The following WDR76 variants were observed in gnomAD, a reference collection of about 807,000 sequenced individuals.
WDR76 encodes the protein WD repeat-containing protein 76.
WDR76 carries 52 observed loss-of-function variants against 70.2 expected under a neutral mutation model. The ratio of observed to expected loss-of-function variants is 0.74; its 90% CI spans 0.59 to 0.93. The LOEUF (loss-of-function observed/expected upper bound fraction) is 0.93, where lower values mean the gene tolerates loss of function less well. Among genes scored for constraint, WDR76 ranks in the 40% least tolerant of loss-of-function variants. The pLI is 0.00. For missense variants in WDR76, 756 were observed against 760.2 expected, an observed-to-expected ratio of 0.99 and a Z score of 0.07; for synonymous variants, 292 against 271.1, an observed-to-expected ratio of 1.08 and a Z score of -0.76.
At chr15:43,857,184 T>C (rs1262884924) in intron 10 of WDR76, 21 bp downstream of exon 10, 5 of 1,590,104 alleles carry the variant, frequency 3.1e-6, no homozygotes, top group Middle Eastern at 1.7e-4. Context: ...TATAAGACTT[T>C]ATGACTTAGA....
chr15:43,836,502 A>C (rs1293672449), intron 4 of WDR76, among the ~76,000 whole-genome samples: 1 of 152,210 alleles, frequency 6.6e-6, no homozygotes, highest in Non-Finnish European at 1.5e-5. Flanking sequence ...TCACTTAGAA[A>C]ACTATTAAAG....
At chr15:43,861,832 ATTTTTTT>A (rs898404641) in intron 12 of WDR76, among the ~76,000 whole-genome samples, 5 of 104,772 alleles carry the variant, frequency 4.8e-5, no homozygotes, top group South Asian at 3.0e-4. Context: ...GTATTTGTGT[ATTTTTTT>A]TTTTTTTTTT....
At chr15:43,860,450 C>T (rs776361614) in intron 11 of WDR76, among the ~76,000 whole-genome samples, 4 of 152,262 alleles carry the variant, frequency 2.6e-5, no homozygotes, top group East Asian at 1.9e-4. Context: ...TTCAGATGAT[C>T]GCTTTAGAAT....
intron 9 of WDR76, 142 bp from the exon 10 acceptor site, chr15:43,856,804 C>G (rs779111835): frequency 6.1e-5 from 41 of 672,008 alleles, no homozygotes; most frequent in Non-Finnish European, 8.8e-5. Context: ...CCATTATGTC[C>G]TGTGCATCTG....
At chr15:43,856,652 A>G (rs2087930986) in intron 9 of WDR76, among the ~76,000 whole-genome samples, 1 of 150,734 alleles carries the variant, frequency 6.6e-6, no homozygotes, top group African/African-American at 2.4e-5. Context: ...TCTAATGTTC[A>G]GTAGCAGAAT....
At position 43,857,094 on chromosome 15, in the gene WDR76, C is replaced by T. The variant is rs377486898; in HGVS notation, c.1340C>T (p.Ser447Phe). The part of the protein sequence containing the change: ...GTSYEKLTSS[S>F]MGKIRTVHVH... ...TCTTATGAGAAACTTACCAGTTCTT[C>T]TATGGGAAAAATAAGAACTGTTCAT... Residue 447 changes from serine (S) to phenylalanine (F), a missense_variant, in exon 10 of 13, where the codon TCT becomes TTT. Coordinates refer to ENST00000263795, the MANE Select transcript of WDR76 (RefSeq NM_024908.4). 3.0e-5 allele frequency: 48 copies of T among 1,613,924 alleles called. No individual in the cohort carries two copies. Among genetic ancestry groups the T allele is most frequent in the African/African-American group, 1.6e-4 (12 of 74,890 alleles).
At chr15:43,863,573 A>G (rs2088032278) in intron 12 of WDR76, among the ~76,000 whole-genome samples, 1 of 151,724 alleles carries the variant, frequency 6.6e-6, no homozygotes, top group African/African-American at 2.4e-5. Context: ...AAAAAAAAAA[A>G]AAAAGAAACA....
At position 43,866,749 on chromosome 15, in the gene WDR76, C is replaced by A. The variant is rs1052891841; in HGVS notation, c.*357C>A. On this transcript the variant is annotated 3_prime_UTR_variant, in exon 13 of 13. Transcript: ENST00000263795. ...TCAAGCGATTCTCCTGCCTCAGACT[C>A]CTAAGTAGCTGGGATTACAGGCACC... is the stretch of plus-strand genomic sequence containing the variant. The A allele has an allele frequency of 1.6e-5, 3 of 188,782 alleles. No individual in the cohort carries two copies. The highest frequency in any genetic ancestry group is 3.3e-5 in the Non-Finnish European group (3 of 90,308). The allele number at this position is 188,782 out of a possible 1,614,324, so 11.7% of individuals were successfully genotyped here.
chr15:43,834,951 G>A lies in WDR76; in HGVS notation c.463-110G>A, dbSNP rs556078399. 120 of 878,862 alleles carry A rather than the reference G, an allele frequency of 1.4e-4. No individual in the cohort carries two copies. In the African/African-American group the frequency reaches 1.9e-3, roughly 14 times the overall value. The allele number at this position is 878,862 out of a possible 1,614,324, so 54.4% of individuals were successfully genotyped here. A position where few individuals can be genotyped will look rare whatever the true frequency, so the allele number is the denominator to read the frequency against. The stretch of plus-strand genomic sequence containing the variant: ...TAAGATGATGAAATGAATAGAGATA[G>A]TACAATTTGAAGTAAAGTATTCATG... On this transcript the variant is annotated intron_variant, in intron 2 of 12. Transcript: ENST00000263795.
chr15:43,833,747 C>G lies in WDR76; in HGVS notation c.463-1314C>G, dbSNP rs547633621. 3.3e-3 allele frequency among the ~76,000 whole-genome samples: 499 copies of G among 152,222 alleles called. 5 individuals are homozygous for G. Among genetic ancestry groups the G allele is most frequent in the Non-Finnish European group, 4.1e-3 (278 of 68,034 alleles). On this transcript the variant is annotated intron_variant, in intron 2 of 12. Transcript: ENST00000263795. ...CATCTCCCGGGTTCAAGCAATTCTT[C>G]TGTCTCAGCCTCCCGAGTAGCTGGG... is the stretch of plus-strand genomic sequence containing the variant.
chr15:43,843,823 C>T, intron 7 of WDR76, 78 bp from the exon 8 acceptor site: 2 of 1,281,780 alleles, frequency 1.6e-6, no homozygotes, highest in Non-Finnish European at 1.0e-6. Context: ...TGTGATTTTT[C>T]TTTTTGAATA....
At chr15:43,855,366 A>G (rs1158811586) in intron 9 of WDR76, among the ~76,000 whole-genome samples, 2 of 152,248 alleles carry the variant, frequency 1.3e-5, no homozygotes, top group East Asian at 3.8e-4. Flanking sequence ...CATAGATGGC[A>G]GAACAAGAAT....
intron 8 of WDR76, among the ~76,000 whole-genome samples, chr15:43,844,953 A>AT (rs2087770106): frequency 7.4e-6 from 1 of 134,518 alleles, no homozygotes; most frequent in Admixed American, 7.4e-5. Flanking sequence ...AAAAAAAAAA[A>AT]GATCAAAGTT....
chr15:43,836,289 T>G (rs2087656078), intron 4 of WDR76, 73 bp downstream of exon 4: 9 of 1,469,260 alleles, frequency 6.1e-6, no homozygotes, highest in Admixed American at 1.9e-5. Context: ...AAAAAATGGT[T>G]TGGTGTGGTA....
At chr15:43,861,957 C>T (rs1228596519) in intron 12 of WDR76, among the ~76,000 whole-genome samples, 3 of 151,652 alleles carry the variant, frequency 2.0e-5, no homozygotes, top group African/African-American at 7.3e-5. Context: ...CTGCCTCAGC[C>T]TCCTGAGTAG....
At chr15:43,844,122 T>C (rs1179493059) in intron 8 of WDR76, 68 bp downstream of exon 8, 3 of 1,430,368 alleles carry the variant, frequency 2.1e-6, no homozygotes, top group African/African-American at 2.9e-5. Context: ...GAGAATAGGC[T>C]AGAGCCATGT....
rs2087855998 is a variant in WDR76, at chr15:43,851,229, G to A, written c.1175G>A (p.Arg392Lys). The change falls in exon 9 of 13, where the codon AGG becomes AAG. Residue 392 changes from arginine to lysine, a missense_variant. Coordinates refer to ENST00000263795, the MANE Select transcript of WDR76 (RefSeq NM_024908.4). ...DGTLRCGDFS[R>K]AIFEEVYRNE... The stretch of plus-strand genomic sequence containing the variant: ...ACGTTACGCTGTGGGGATTTTTCCA[G>A]GGCTATTTTTGAAGAGGTAAATGTT... The A allele has an allele frequency of 1.2e-6, 2 of 1,614,006 alleles. No individual in the cohort carries two copies. The highest frequency in any genetic ancestry group is 4.5e-5 in the East Asian group (2 of 44,886).
intron 5 of WDR76, among the ~76,000 whole-genome samples, chr15:43,840,219 T>G (rs567635499): frequency 6.0e-4 from 91 of 152,242 alleles, no homozygotes; most frequent in Non-Finnish European, 1.0e-3. Flanking sequence ...GATTCTGTAT[T>G]TCTGCAGGAC....
At chr15:43,844,106 C>G (rs1411085467) in intron 8 of WDR76, 52 bp downstream of exon 8, 1 of 1,561,678 alleles carries the variant, frequency 6.4e-7, no homozygotes, top group South Asian at 1.2e-5. Flanking sequence ...AGCAAATAGG[C>G]TGGAAGAGAA....
Sources: gnomAD v4.1 joint callset for allele counts (sites outside exome capture counted in the v4.1 genomes callset) on GRCh38, gnomAD v4.1.1 for gene constraint, MANE v1.5 for transcripts, NCBI Gene and HGNC (gene_info 2026-07-23, HGNC 2026-07-21) for gene names.